Variants in NEB observed in about 807,000 individuals in gnomAD.
NEB encodes nebulin.
In NEB, 512 loss-of-function variants were observed where a neutral mutation model predicts 952.2. The observed-to-expected ratio is 0.54, with a 90% CI of 0.50 to 0.58. NEB has a LOEUF of 0.58. Among genes scored for constraint, NEB ranks in the 20% least tolerant of loss-of-function variants. NEB has a pLI of 0.00. For missense variants in NEB, 8,428 were observed against 9,231.1 expected, an observed-to-expected ratio of 0.91 and a Z score of 3.56; for synonymous variants, 2,900 against 3,149.8, an observed-to-expected ratio of 0.92 and a Z score of 2.66.
chr2:151,507,912 A>T (rs1282363910), intron 162 of NEB, 93 bp downstream of exon 162: 6 of 845,742 alleles, frequency 7.1e-6, no homozygotes, highest in Non-Finnish European at 9.8e-6. Context: ...GGGCTGCACA[A>T]CAGCCCCACT....
intron 114 of NEB, among the ~76,000 whole-genome samples, chr2:151,566,953 T>C (rs907545892): frequency 1.7e-4 from 26 of 152,314 alleles, no homozygotes; most frequent in African/African-American, 5.8e-4. Flanking sequence ...TTTAAAAAAA[T>C]TTGATTGAAA....
chr2:151,729,090 T>A (rs1320206306), intron 4 of NEB, among the ~76,000 whole-genome samples: 2 of 151,600 alleles, frequency 1.3e-5, no homozygotes, highest in Non-Finnish European at 2.9e-5. Flanking sequence ...AGCTTGAACG[T>A]GGAATATTTA....
intron 124 of NEB, among the ~76,000 whole-genome samples, chr2:151,559,804 A>C (rs1239849630): frequency 1.3e-5 from 2 of 152,126 alleles, no homozygotes; most frequent in Admixed American, 6.6e-5. Flanking sequence ...GTAGGGGGCT[A>C]GGGGAGGGAT....
At position 151,656,863 on chromosome 2, in the gene NEB, A is replaced by G. The variant is rs1392295158; in HGVS notation, c.6184-399T>C. 2.0e-5 allele frequency among the ~76,000 whole-genome samples: 3 copies of G among 151,920 alleles called. No individual in the cohort carries two copies. In the East Asian group the frequency reaches 5.8e-4, roughly 29 times the overall value. ...ACAGAAGATGAAAAAAAAAAGGCAA[A>G]AAAACAGAACATTTCTCTTAATGCT... On this transcript the variant is annotated intron_variant, in intron 48 of 181. Coordinates refer to ENST00000397345, the MANE Select transcript of NEB (RefSeq NM_001164508.2).
chr2:151,576,165 C>T lies in NEB; in HGVS notation c.16894G>A (p.Glu5632Lys). The part of the protein sequence containing the change: ...PEVVLAKSNA[E>K]NISIPKYREV... ...AACTAACTCACAATACTAATATTTT[C>T]AGCATTTGATTTAGCAAGGACCACT... Residue 5632 changes from glutamate (E) to lysine (K), a missense_variant, in exon 106 of 182, where the codon GAA becomes AAA. Coordinates refer to ENST00000397345, the MANE Select transcript of NEB (RefSeq NM_001164508.2). 6.3e-7 allele frequency: 1 copy of T among 1,596,166 alleles called. No individual in the cohort carries two copies. Among genetic ancestry groups the T allele is most frequent in the Non-Finnish European group, 8.6e-7 (1 of 1,168,796 alleles).
At chr2:151,729,068 G>GA (rs10712295) in intron 4 of NEB, among the ~76,000 whole-genome samples, 2 of 150,984 alleles carry the variant, frequency 1.3e-5, no homozygotes, top group African/African-American at 2.5e-5. Context: ...ATTTCACCTT[G>GA]AAAAAAAAAA....
At chr2:151,617,820 G>T (rs1288709872) in intron 74 of NEB, among the ~76,000 whole-genome samples, 1 of 151,776 alleles carries the variant, frequency 6.6e-6, no homozygotes, top group Non-Finnish European at 1.5e-5. Context: ...CCAGCACTTT[G>T]GGAGGCCGAG....
chr2:151,497,602 T>A, intron 171 of NEB, 24 bp downstream of exon 171: 1 of 1,549,912 alleles, frequency 6.5e-7, no homozygotes, highest in Non-Finnish European at 8.7e-7. Flanking sequence ...AATAAGTAGT[T>A]TTTTTCTTTT....
At chr2:151,642,981 T>C in intron 58 of NEB, 112 bp from the exon 59 acceptor site, 1 of 1,184,642 alleles carries the variant, frequency 8.4e-7, no homozygotes, top group Non-Finnish European at 1.2e-6. Flanking sequence ...TCGGTATTTG[T>C]GACATTTTCA....
At position 151,666,159 on chromosome 2, in the gene NEB, G is replaced by A. The variant is rs759709375; in HGVS notation, c.4962C>T (p.His1654=). 2 of 1,613,944 alleles carry A rather than the reference G, an allele frequency of 1.2e-6. No individual in the cohort carries two copies. The highest frequency in any genetic ancestry group is 4.5e-5 in the East Asian group (2 of 44,880). The part of the protein sequence containing the change: ...ATNANYRQSY[H]HYTLLPDALN... The stretch of plus-strand genomic sequence containing the variant: ...AGGCATCGGGCAGGAGAGTGTAGTG[G>A]TGGTATGACTGTCTGTAGTTGGCGT... The change falls in exon 41 of 182, where the codon CAC becomes CAT. Residue 1654 remains histidine, a synonymous_variant. Transcript: ENST00000397345.
intron 65 of NEB, among the ~76,000 whole-genome samples, chr2:151,632,625 G>A (rs1379469756): frequency 6.8e-6 from 1 of 147,858 alleles, no homozygotes; most frequent in East Asian, 2.0e-4. Flanking sequence ...GCAGTAATCC[G>A]AGATCGCGCC....
chr2:151,614,137 C>T, intron 77 of NEB, 139 bp downstream of exon 77: 1 of 1,001,234 alleles, frequency 1.0e-6, no homozygotes, highest in Non-Finnish European at 1.4e-6. Context: ...AAACTAAATA[C>T]ATACTTTATT....
At position 151,680,839 on chromosome 2, in the gene NEB, A is replaced by C. The variant is rs1176587491; in HGVS notation, c.2944-11T>G. ...TTGGCGATATTTTTTCTGTTTGGCA[A>C]ATCAAAAAGAGAAAAACAATCTTGT... On this transcript the variant is annotated splice_polypyrimidine_tract_variant and intron_variant, in intron 29 of 181. Transcript: ENST00000397345. The C allele has an allele frequency of 6.3e-7, 1 of 1,581,612 alleles. No individual in the cohort carries two copies. Among genetic ancestry groups the C allele is most frequent in the Non-Finnish European group, 8.7e-7 (1 of 1,150,718 alleles).
At chr2:151,651,547 A>G (rs541207329) in intron 52 of NEB, among the ~76,000 whole-genome samples, 1 of 152,304 alleles carries the variant, frequency 6.6e-6, no homozygotes, top group African/African-American at 2.4e-5. Flanking sequence ...ATAACTAAAT[A>G]TGTTAGATTA....
intron 30 of NEB, 118 bp from the exon 31 acceptor site, chr2:151,680,140 T>C (rs2099403448): frequency 2.7e-6 from 2 of 743,644 alleles, no homozygotes. Flanking sequence ...AAGGACACTC[T>C]TTGTGCATTT....
Position 151,491,666 on chromosome 2 carries a change from T to TG in NEB, c.25150+16_25150+17insC. 2.0e-6 allele frequency: 3 copies of TG among 1,537,712 alleles called. No homozygotes were observed. The highest frequency in any genetic ancestry group is 2.7e-6 in the Non-Finnish European group (3 of 1,127,144). On this transcript the variant is annotated intron_variant, in intron 179 of 181. Coordinates refer to ENST00000397345, the MANE Select transcript of NEB (RefSeq NM_001164508.2). ...AATGGTGATGTTTATGTTGTAAGCCTTTTTCAGCTAACACACCATTAATCA... is the reference window on the plus strand; with the variant it reads ...AATGGTGATGTTTATGTTGTAAGCCTGTTTTCAGCTAACACACCATTAATCA...
At chr2:151,536,405 A>T (rs1167739176) in intron 141 of NEB, among the ~76,000 whole-genome samples, 2 of 152,178 alleles carry the variant, frequency 1.3e-5, no homozygotes, top group African/African-American at 4.8e-5. Context: ...TATAATTATT[A>T]TTTAACTTTG....
In NEB at chr2:151,555,009, A is replaced by G. The variant is rs1351602890; in HGVS notation, c.19350T>C (p.Ala6450=). 1 of 1,613,614 alleles carries G rather than the reference A, an allele frequency of 6.2e-7. No homozygotes were observed. Among genetic ancestry groups the G allele is most frequent in the Non-Finnish European group, 8.5e-7 (1 of 1,179,574 alleles). ...CAACACTTCTTGGTAACGTATAAAG[A>G]GCTTTGAACTTTTCATATTCTTCCC... ...KYREEYEKFK[A]LYTLPRSVDD... is the part of the protein sequence containing the mutation. The change falls in exon 125 of 182, where the codon GCT becomes GCC. Residue 6450 remains alanine, a synonymous_variant. Coordinates refer to ENST00000397345, the MANE Select transcript of NEB (RefSeq NM_001164508.2).
Position 151,687,509 on chromosome 2 carries a change from T to C in NEB, c.2547A>G (p.Glu849=), listed in dbSNP as rs2148950522. 1 of 1,613,926 alleles carries C rather than the reference T, an allele frequency of 6.2e-7. No homozygotes were observed. The highest frequency in any genetic ancestry group is 8.5e-7 in the Non-Finnish European group (1 of 1,179,828). The part of the protein sequence containing the change: ...TSDVMYKKDY[E]KSKGKMIGAL... ...CTCCAATCATTTTCCCTTTGCTCTT[T>C]TCATAGTCTTTCTTGTACATCACCT... Residue 849 remains glutamate, a synonymous_variant, in exon 27 of 182, where the codon GAA becomes GAG. Transcript: ENST00000397345.
Sources: gnomAD v4.1 joint callset for allele counts (sites outside exome capture counted in the v4.1 genomes callset) on GRCh38, gnomAD v4.1.1 for gene constraint, MANE v1.5 for transcripts, NCBI Gene and HGNC (gene_info 2026-07-23, HGNC 2026-07-21) for gene names.